Variants in ACCSL observed in about 807,000 individuals in gnomAD.
ACCSL encodes the protein 1-aminocyclopropane-1-carboxylate synthase homolog (inactive) like.
In ACCSL, 55 loss-of-function variants were observed where a neutral mutation model predicts 61.7. The ratio of observed to expected loss-of-function variants is 0.89; its 90% CI spans 0.72 to 1.12. ACCSL has a LOEUF of 1.12. Among genes scored for constraint, ACCSL ranks in the 50% most tolerant of loss-of-function variants. ACCSL has a pLI of 0.00. For missense variants in ACCSL, 632 were observed against 698.0 expected (o/e 0.91, Z 1.07); for synonymous variants, 258 against 264.3 (o/e 0.98, Z 0.23).
the ACCSL span, among the ~76,000 whole-genome samples, chr11:43,968,611 A>G: frequency 1.2e-4 from 18 of 152,082 alleles, no homozygotes; most frequent in Admixed American, 6.6e-5. Flanking sequence ...TCAGCTTGAG[A>G]TGTTTTAATT....
the ACCSL span, chr11:43,926,644 C>T: frequency 1.3e-5 from 4 of 315,704 alleles, no homozygotes; most frequent in Admixed American, 8.8e-5. Context: ...AGTTTTTTCT[C>T]CTTACTACAA....
rs769972324 is a variant in ACCSL at position 44,058,475 on chromosome 11, G to A, written c.1470+16G>A. ...CTTGAAAAAGGTGTGTTCTGGGAAT[G>A]AGGACAGGTGTTCTTGGGCAGACCT... is the stretch of plus-strand genomic sequence containing the variant. On this transcript the variant is annotated intron_variant, in intron 12 of 13. Transcript: ENST00000378832. The A allele has an allele frequency of 1.9e-6, 3 of 1,614,190 alleles. No individual in the cohort carries two copies. The highest frequency in any genetic ancestry group is 1.1e-5 in the South Asian group (1 of 91,070).
intron 1 of ACCSL, 83 bp from the exon 2 acceptor site, chr11:44,049,979 C>T (rs1952625831): frequency 6.4e-7 from 1 of 1,573,378 alleles, no homozygotes; most frequent in African/African-American, 1.3e-5. Context: ...GCAGTGAGAT[C>T]TCCATTTGAA....
chr11:43,978,103 G>A, the ACCSL span, among the ~76,000 whole-genome samples: 3 of 144,390 alleles, frequency 2.1e-5, no homozygotes, highest in African/African-American at 8.0e-5. Context: ...TCCACCTCCC[G>A]GGTTCAAGTG....
At chr11:43,954,962 C>A in the ACCSL span, among the ~76,000 whole-genome samples, 1 of 152,212 alleles carries the variant, frequency 6.6e-6, no homozygotes, top group African/African-American at 2.4e-5. Flanking sequence ...CCTGTGCAAG[C>A]TTCCAGCTTG....
the ACCSL span, among the ~76,000 whole-genome samples, chr11:43,949,299 G>GC: frequency 5.3e-5 from 8 of 152,200 alleles, no homozygotes; most frequent in East Asian, 1.2e-3. Flanking sequence ...CAGGGAGATA[G>GC]CAAATTTTAC....
the ACCSL span, among the ~76,000 whole-genome samples, chr11:43,965,681 G>A: frequency 6.6e-6 from 1 of 152,116 alleles, no homozygotes; most frequent in South Asian, 2.1e-4. Flanking sequence ...AATAAAATTG[G>A]AAGGCACACT....
At chr11:43,961,404 C>T in the ACCSL span, among the ~76,000 whole-genome samples, 1 of 152,106 alleles carries the variant, frequency 6.6e-6, no homozygotes, top group Non-Finnish European at 1.5e-5. Flanking sequence ...TTTACCAACC[C>T]TTCTTATCGA....
chr11:43,974,673 G>A, the ACCSL span, among the ~76,000 whole-genome samples: 1 of 152,168 alleles, frequency 6.6e-6, no homozygotes, highest in African/African-American at 2.4e-5. Context: ...CAGTGTGCAA[G>A]GGTTGATATG....
At chr11:43,977,436 AC>A in the ACCSL span, among the ~76,000 whole-genome samples, 68,300 of 151,838 alleles carry the variant, frequency 0.45, 16,927 homozygotes, top group Non-Finnish European at 0.56. Flanking sequence ...GAACTTAACC[AC>A]CCATTGCTGG....
chr11:44,019,355 G>A, the ACCSL span, among the ~76,000 whole-genome samples: 1 of 152,184 alleles, frequency 6.6e-6, no homozygotes, highest in Non-Finnish European at 1.5e-5. Context: ...AGAACTGCCT[G>A]TTTTCCAAAG....
At chr11:43,930,833 G>A in the ACCSL span, among the ~76,000 whole-genome samples, 5 of 152,028 alleles carry the variant, frequency 3.3e-5, no homozygotes, top group East Asian at 3.9e-4. Context: ...ATGCACACAC[G>A]CACACACACT....
chr11:44,042,108 T>C, the ACCSL span, among the ~76,000 whole-genome samples: 1 of 152,228 alleles, frequency 6.6e-6, no homozygotes, highest in South Asian at 2.1e-4. Context: ...AAGATATTGA[T>C]AATCTACTCA....
At chr11:43,957,501 T>C in the ACCSL span, among the ~76,000 whole-genome samples, 63 of 152,086 alleles carry the variant, frequency 4.1e-4, no homozygotes, top group Admixed American at 9.8e-4. Flanking sequence ...AGGGAATAGA[T>C]GGTAAATGCC....
the ACCSL span, among the ~76,000 whole-genome samples, chr11:43,983,423 A>G: frequency 6.6e-6 from 1 of 152,184 alleles, no homozygotes; most frequent in African/African-American, 2.4e-5. Flanking sequence ...GTGGTCCAGG[A>G]CTTCATGAAT....
the ACCSL span, among the ~76,000 whole-genome samples, chr11:44,013,585 G>A: frequency 1.4e-4 from 22 of 152,182 alleles, no homozygotes; most frequent in Non-Finnish European, 1.3e-4. Context: ...GAGCCACCAC[G>A]CCTGGCCAAG....
the ACCSL span, among the ~76,000 whole-genome samples, chr11:44,014,469 CAGAGAGAGATAGCCAG>C: frequency 7.2e-6 from 1 of 138,634 alleles, no homozygotes; most frequent in Admixed American, 7.5e-5. Flanking sequence ...AATGAGCTGG[CAGAGAGAGATAGCCAG>C]AGAGAGAGAG....
At chr11:44,031,635 G>A in the ACCSL span, among the ~76,000 whole-genome samples, 1 of 152,296 alleles carries the variant, frequency 6.6e-6, no homozygotes, top group South Asian at 2.1e-4. Context: ...AAGACAGAAG[G>A]ATGGGGATTG....
the ACCSL span, among the ~76,000 whole-genome samples, chr11:43,924,614 G>T: frequency 1.3e-5 from 2 of 152,346 alleles, no homozygotes; most frequent in South Asian, 4.1e-4. Context: ...CCGTTCCTGC[G>T]GCACAAGAGG....
Sources: allele counts gnomAD v4.1 joint callset (sites outside exome capture counted in the v4.1 genomes callset), GRCh38; gene constraint gnomAD v4.1.1; transcripts MANE v1.5; gene names NCBI Gene and HGNC (gene_info 2026-07-23, HGNC 2026-07-21).